The following SNTG1 variants were observed in gnomAD, a reference collection of about 807,000 sequenced individuals.
SNTG1 encodes syntrophin gamma 1, also known as gamma-1-syntrophin.
SNTG1 carries 39 observed loss-of-function variants against 74.7 expected under a neutral mutation model. That is an observed-to-expected ratio of 0.52 (90% CI 0.40 to 0.68). SNTG1 has a LOEUF of 0.68. Ranked by LOEUF, SNTG1 falls within the 30% of genes least tolerant of loss-of-function variation. The pLI is 0.00. For synonymous variants in SNTG1, 254 were observed against 217.1 expected, an observed-to-expected ratio of 1.17 and a Z score of -1.49; for missense variants, 685 against 609.5, an observed-to-expected ratio of 1.12 and a Z score of -1.30.
chr8:50,291,331 G>C (rs1164040227), intron 2 of SNTG1, among the ~76,000 whole-genome samples: 1 of 151,962 alleles, frequency 6.6e-6, no homozygotes, highest in Non-Finnish European at 1.5e-5. Context: ...TAGAAGGAAA[G>C]AGTGTGAGGT....
intron 18 of SNTG1, among the ~76,000 whole-genome samples, chr8:50,771,072 G>A (rs1447385525): frequency 6.6e-6 from 1 of 152,062 alleles, no homozygotes; most frequent in Non-Finnish European, 1.5e-5. Flanking sequence ...TGCAGAGTGG[G>A]GTGTTGCTCT....
chr8:50,726,625 G>A (rs2095500807), intron 17 of SNTG1, among the ~76,000 whole-genome samples: 1 of 152,156 alleles, frequency 6.6e-6, no homozygotes, highest in Admixed American at 6.5e-5. Flanking sequence ...CGAGGCAGGT[G>A]GATCACAAGG....
At chr8:50,743,009 A>G (rs577423955) in intron 17 of SNTG1, among the ~76,000 whole-genome samples, 1 of 151,916 alleles carries the variant, frequency 6.6e-6, no homozygotes, top group East Asian at 1.9e-4. Context: ...CCATAATCAT[A>G]AATCTGTCAA....
intron 1 of SNTG1, among the ~76,000 whole-genome samples, chr8:50,088,897 A>G (rs1190523454): frequency 3.3e-5 from 5 of 149,932 alleles, no homozygotes; most frequent in South Asian, 2.1e-4. Context: ...CAGAATTGGA[A>G]AAAACTACTT....
intron 18 of SNTG1, among the ~76,000 whole-genome samples, chr8:50,764,959 A>G (rs1275173428): frequency 6.6e-6 from 1 of 152,054 alleles, no homozygotes; most frequent in Non-Finnish European, 1.5e-5. Context: ...TTAAAAAAGA[A>G]GGACATTATA....
At chr8:50,226,446 G>T (rs187639186) in intron 2 of SNTG1, among the ~76,000 whole-genome samples, 1 of 152,214 alleles carries the variant, frequency 6.6e-6, no homozygotes, top group East Asian at 1.9e-4. Context: ...CAGTCCTAAA[G>T]AGATTAACTA....
At position 50,583,706 on chromosome 8, in the gene SNTG1, A is replaced by C. The variant is rs569812943; in HGVS notation, c.811-7173A>C. On this transcript the variant is annotated intron_variant, in intron 12 of 18. Transcript: ENST00000642720. ...CCTGGAACTGTAAGTAAATAGCAAA[A>C]TGCTGAGCTTTTTTTTTTTTTTCTG... Among the ~76,000 whole-genome samples, 12 of 149,916 alleles carry C rather than the reference A, an allele frequency of 8.0e-5. No homozygotes were observed. In the East Asian group the frequency reaches 1.6e-3, roughly 19 times the overall value.
chr8:50,262,512 G>A (rs558651695), intron 2 of SNTG1, among the ~76,000 whole-genome samples: 5 of 152,236 alleles, frequency 3.3e-5, no homozygotes, highest in South Asian at 2.1e-4. Context: ...CTGGGTTCAC[G>A]CCATTCTCCT....
At chr8:50,147,833 A>G (rs1002170098) in intron 1 of SNTG1, among the ~76,000 whole-genome samples, 17 of 152,216 alleles carry the variant, frequency 1.1e-4, no homozygotes, top group African/African-American at 3.4e-4. Flanking sequence ...GTAACCATAA[A>G]CACACTGCAT....
chr8:50,462,796 CTTTTTTTTTTTTTTTTTTTTTTT>C (rs869119447), intron 8 of SNTG1, among the ~76,000 whole-genome samples: 3 of 57,412 alleles, frequency 5.2e-5, no homozygotes, highest in Admixed American at 4.9e-4. Flanking sequence ...AGGTTCTACT[CTTTTTTTTTTTTTTTTTTTTTTT>C]TTTTTTTTTT....
chr8:50,043,493 T>A (rs1818816705), intron 1 of SNTG1, among the ~76,000 whole-genome samples: 1 of 152,192 alleles, frequency 6.6e-6, no homozygotes, highest in African/African-American at 2.4e-5. Context: ...ATGAAAGCAG[T>A]CTGCTTTATA....
intron 12 of SNTG1, among the ~76,000 whole-genome samples, chr8:50,564,466 A>G (rs2094505042): frequency 6.6e-6 from 1 of 152,116 alleles, no homozygotes; most frequent in African/African-American, 2.4e-5. Context: ...CAAAGTTTGA[A>G]TAGTTATTTT....
rs2095700131 is a variant in SNTG1 at position 50,794,552 on chromosome 8, G to A, written c.*1723G>A. 2 of 151,904 alleles carry A rather than the reference G, an allele frequency of 1.3e-5. No homozygotes were observed. The highest frequency in any genetic ancestry group is 2.4e-5 in the African/African-American group (1 of 41,404). 9.4% of individuals were successfully genotyped at this position (151,904 alleles called of 1,614,324 possible). On this transcript the variant is annotated 3_prime_UTR_variant, in exon 19 of 19. Transcript: ENST00000642720. ...ATTAGGATAGAACTTTAGAATTATT[G>A]CACACTATATTGATCAAATACAACA...
rs549619356 is a variant in SNTG1, at chr8:49,944,379, GA to G, written c.-103+32155del. ...ATGCTGTGCTAAGAAGAAATATTTG[GA>G]AAAAAAGATATTTGCATAATTTCAT... On this transcript the variant is annotated intron_variant, in intron 1 of 18. Transcript: ENST00000642720. 4.2e-4 allele frequency among the ~76,000 whole-genome samples: 64 copies of G among 151,664 alleles called. 1 individual carries two copies. The highest frequency in any genetic ancestry group is 1.4e-3 in the African/African-American group (57 of 41,358).
intron 2 of SNTG1, among the ~76,000 whole-genome samples, chr8:50,341,625 G>A (rs1457644968): frequency 1.3e-5 from 2 of 151,722 alleles, no homozygotes; most frequent in Non-Finnish European, 1.5e-5. Context: ...ACCCAACTGG[G>A]GAGAAAACAT....
At chr8:49,992,444 T>A (rs1211229522) in intron 1 of SNTG1, among the ~76,000 whole-genome samples, 1 of 152,226 alleles carries the variant, frequency 6.6e-6, no homozygotes, top group Admixed American at 6.5e-5. Flanking sequence ...AATTTTTTAT[T>A]TCAAATGTAC....
chr8:50,403,535 C>T (rs1025718912), intron 4 of SNTG1, among the ~76,000 whole-genome samples: 6 of 152,016 alleles, frequency 3.9e-5, no homozygotes, highest in African/African-American at 1.4e-4. Context: ...ACACTGGTCC[C>T]AGATCAAAAA....
chr8:50,603,289 A>G (rs2094788592), intron 13 of SNTG1, among the ~76,000 whole-genome samples: 1 of 152,174 alleles, frequency 6.6e-6, no homozygotes, highest in South Asian at 2.1e-4. Flanking sequence ...TTCTGCTATT[A>G]AGACACTCTG....
intron 1 of SNTG1, among the ~76,000 whole-genome samples, chr8:50,146,958 T>C (rs2081893375): frequency 6.6e-6 from 1 of 152,196 alleles, no homozygotes; most frequent in Non-Finnish European, 1.5e-5. Flanking sequence ...TCTCTCACTA[T>C]ATGGCTGTCT....
Sources: gnomAD v4.1 joint callset for allele counts (sites outside exome capture counted in the v4.1 genomes callset) on GRCh38, gnomAD v4.1.1 for gene constraint, MANE v1.5 for transcripts, NCBI Gene and HGNC (gene_info 2026-07-23, HGNC 2026-07-21) for gene names.